Variants in ELP1 observed in about 807,000 individuals in gnomAD.
The protein encoded by ELP1 is elongator acetyltransferase complex subunit 1.
A neutral mutation model predicts 183.2 loss-of-function variants in ELP1; 131 were observed. The ratio of observed to expected loss-of-function variants is 0.72; its 90% CI spans 0.62 to 0.83. The LOEUF (loss-of-function observed/expected upper bound fraction) is 0.83. ELP1 is among the 40% of genes least tolerant of loss of function. The probability of loss-of-function intolerance (pLI) is 0.00; values close to 1 mark genes in which losing one functional copy is unlikely to be tolerated. For missense variants in ELP1, 1,550 were observed against 1,594.9 expected (o/e 0.97, Z 0.48); for synonymous variants, 555 against 569.0 (o/e 0.98, Z 0.35).
intron 32 of ELP1, 24 bp downstream of exon 32, chr9:108,880,028 G>A (rs1332917786): frequency 3.4e-6 from 5 of 1,460,776 alleles, no homozygotes; most frequent in African/African-American, 1.4e-5. Flanking sequence ...CCCGCACGTC[G>A]ATGGCCTTCA....
In ELP1 at chr9:108,916,243, C is replaced by T. The variant is rs764545778; in HGVS notation, c.919G>A (p.Asp307Asn). 1.2e-6 allele frequency: 2 copies of T among 1,614,198 alleles called. No individual in the cohort carries two copies. Among genetic ancestry groups the T allele is most frequent in the Middle Eastern group, 1.6e-4 (1 of 6,062 alleles). Residue 307 changes from aspartate (D) to asparagine (N), a missense_variant, in exon 10 of 37, where the codon GAC becomes AAC. Physicochemically the swap from Asp to Asn is conservative, Grantham distance 23 (BLOSUM62 1). Coordinates refer to ENST00000374647, the MANE Select transcript of ELP1 (RefSeq NM_003640.5). ...ATGGAGCTTTCTTCTCTCTGAAGGT[C>T]TTCCAGCCAGACTGCAAGCACAGAG... ...DSSVLAVWLE[D>N]LQREESSIPK...
At chr9:108,910,622 T>C (rs759015214) in intron 12 of ELP1, among the ~76,000 whole-genome samples, 13 of 152,070 alleles carry the variant, frequency 8.5e-5, no homozygotes, top group Non-Finnish European at 1.5e-4. Context: ...TGTTCCCTCA[T>C]CTACAAAAGA....
intron 35 of ELP1, among the ~76,000 whole-genome samples, chr9:108,875,457 C>G (rs150680614): frequency 6.6e-6 from 1 of 152,218 alleles, no homozygotes; most frequent in South Asian, 2.1e-4. Context: ...AAGCCTGCAG[C>G]GAGCCTCTGG....
At chr9:108,900,801 TACACGCCACACAC>T (rs1564087546) in intron 18 of ELP1, among the ~76,000 whole-genome samples, 1 of 130,582 alleles carries the variant, frequency 7.7e-6, no homozygotes, top group East Asian at 2.4e-4. Flanking sequence ...CACACACACA[TACACGCCACACAC>T]ACATACACGC....
At position 108,902,835 on chromosome 9, in the gene ELP1, C is replaced by T. The variant is rs764239827; in HGVS notation, c.1854+4G>A. On this transcript the variant is annotated splice_donor_region_variant and intron_variant, in intron 16 of 36. Transcript: ENST00000374647. Reference sequence around the variant, plus strand: ...AGTAAATTTCCTGCTCCGTGTTCACCTACCTCTTCTCCAATCATGGCCAAT... The same window carrying T: ...AGTAAATTTCCTGCTCCGTGTTCACTTACCTCTTCTCCAATCATGGCCAAT... 4 of 1,607,444 alleles carry T rather than the reference C, an allele frequency of 2.5e-6. No individual in the cohort carries two copies. The highest frequency in any genetic ancestry group is 3.4e-6 in the Non-Finnish European group (4 of 1,174,026).
intron 33 of ELP1, 45 bp from the exon 34 acceptor site, chr9:108,878,795 G>A: frequency 1.9e-6 from 3 of 1,608,444 alleles, no homozygotes; most frequent in Non-Finnish European, 2.5e-6. Flanking sequence ...TGAGTAGCTA[G>A]GACTACAGGC....
chr9:108,906,618 A>T, intron 13 of ELP1, 133 bp from the exon 14 acceptor site: 1 of 677,842 alleles, frequency 1.5e-6, no homozygotes, highest in Non-Finnish European at 2.6e-6. Flanking sequence ...AAAACCTGAG[A>T]TACTACCAAA....
intron 25 of ELP1, 79 bp downstream of exon 25, chr9:108,896,417 T>C (rs1828548764): frequency 1.5e-6 from 2 of 1,349,762 alleles, no homozygotes; most frequent in Admixed American, 3.4e-5. Flanking sequence ...GAAAAGCTAC[T>C]GCACTACCAG....
At chr9:108,909,266 T>C (rs542871692) in intron 12 of ELP1, among the ~76,000 whole-genome samples, 1 of 152,292 alleles carries the variant, frequency 6.6e-6, no homozygotes, top group African/African-American at 2.4e-5. Flanking sequence ...TTAATTGATA[T>C]CTTTTGTCTA....
At chr9:108,927,313 T>C (rs1829851806) in intron 4 of ELP1, 59 bp downstream of exon 4, 5 of 1,381,734 alleles carry the variant, frequency 3.6e-6, no homozygotes, top group Non-Finnish European at 3.1e-6. Context: ...TGATGAAGCC[T>C]GTAAGACATC....
intron 22 of ELP1, 67 bp from the exon 23 acceptor site, chr9:108,897,352 T>C (rs1426517267): frequency 2.7e-6 from 4 of 1,509,404 alleles, no homozygotes; most frequent in East Asian, 4.5e-5. Flanking sequence ...ATTACTAACA[T>C]ACACCTGGCA....
intron 6 of ELP1, among the ~76,000 whole-genome samples, chr9:108,922,485 A>T (rs1829680015): frequency 6.6e-6 from 1 of 152,244 alleles, no homozygotes; most frequent in South Asian, 2.1e-4. Flanking sequence ...GAAAAGTATG[A>T]GAACATGCAT....
intron 31 of ELP1, among the ~76,000 whole-genome samples, chr9:108,881,392 T>C (rs1350313482): frequency 6.6e-6 from 1 of 152,206 alleles, no homozygotes; most frequent in Non-Finnish European, 1.5e-5. Flanking sequence ...AACATGATTA[T>C]TAAATGCCAG....
In ELP1 at chr9:108,931,044, T is replaced by C. The variant is rs1478106253; in HGVS notation, c.103A>G (p.Ile35Val). Reference protein sequence around the residue: ...SLRTEQGTVLIGSEHGLIEVD... With the variant: ...SLRTEQGTVLVGSEHGLIEVD... ...TCTATCAGGCCATGTTCTGAACCAA[T>C]GAGCACCGTCCCCTGTTCAGTTCGG... Residue 35 changes from isoleucine (I) to valine (V), a missense_variant, in exon 2 of 37, where the codon ATT becomes GTT. Transcript: ENST00000374647. The C allele has an allele frequency of 1.2e-6, 2 of 1,614,014 alleles. No individual in the cohort carries two copies. The highest frequency in any genetic ancestry group is 1.7e-5 in the Admixed American group (1 of 60,002).
In ELP1 at chr9:108,894,068, T is replaced by TA. The variant is rs2131975511; in HGVS notation, c.2737-3dup. 3.4e-6 allele frequency: 5 copies of TA among 1,449,974 alleles called. No homozygotes were observed. The highest frequency in any genetic ancestry group is 4.8e-6 in the Non-Finnish European group (5 of 1,036,458). 89.8% of individuals were successfully genotyped at this position (1,449,974 alleles called of 1,614,324 possible). ...AAATGGAAGATATTCTTTGGGATCC[T>TA]AAAAAAATGATTAATGAGAACTTTA... On this transcript the variant is annotated splice_region_variant and splice_polypyrimidine_tract_variant and intron_variant, in intron 25 of 36. Coordinates refer to ENST00000374647, the MANE Select transcript of ELP1 (RefSeq NM_003640.5).
At chr9:108,912,542 T>A in intron 10 of ELP1, 48 bp from the exon 11 acceptor site, 2 of 1,358,816 alleles carry the variant, frequency 1.5e-6, no homozygotes, top group Non-Finnish European at 2.1e-6. Context: ...GGAAGCAGAC[T>A]TCATCCCACT....
chr9:108,884,139 A>G (rs1158710873), intron 29 of ELP1, among the ~76,000 whole-genome samples: 1 of 152,238 alleles, frequency 6.6e-6, no homozygotes. Flanking sequence ...TGGAAGAATT[A>G]TATTAATAAC....
At chr9:108,894,240 T>C (rs1157929347) in intron 25 of ELP1, among the ~76,000 whole-genome samples, 174 bp from the exon 26 acceptor site, 1 of 152,170 alleles carries the variant, frequency 6.6e-6, no homozygotes, top group Admixed American at 6.5e-5. Context: ...CCCCAGTATC[T>C]ATGGGGAATT....
At chr9:108,926,398 T>C in intron 5 of ELP1, 125 bp downstream of exon 5, 2 of 782,254 alleles carry the variant, frequency 2.6e-6, no homozygotes, top group Non-Finnish European at 4.4e-6. Flanking sequence ...CTAATAGACA[T>C]TTAATAGCTG....
Sources: gnomAD v4.1 joint callset for allele counts (sites outside exome capture counted in the v4.1 genomes callset) on GRCh38, gnomAD v4.1.1 for gene constraint, MANE v1.5 for transcripts, NCBI Gene and HGNC (gene_info 2026-07-23, HGNC 2026-07-21) for gene names.